Variants in IFT74 observed in about 807,000 individuals in gnomAD.
The protein encoded by IFT74 is intraflagellar transport protein 74 homolog.
In IFT74, 92 loss-of-function variants were observed where a neutral mutation model predicts 96.7. The ratio of observed to expected loss-of-function variants is 0.95; its 90% confidence interval spans 0.80 to 1.13. The LOEUF (loss-of-function observed/expected upper bound fraction) is 1.13, where lower values mean the gene tolerates loss of function less well. Ranked by LOEUF, IFT74 falls within the 50% of genes most tolerant of loss-of-function variation. The pLI is 0.00. For synonymous variants in IFT74, 223 were observed against 213.2 expected (o/e 1.05, Z -0.40); for missense variants, 811 against 698.2 (o/e 1.16, Z -1.82).
chr9:26,950,121 G>C (rs1362491835), intron 1 of IFT74, among the ~76,000 whole-genome samples: 1 of 152,100 alleles, frequency 6.6e-6, no homozygotes, highest in Non-Finnish European at 1.5e-5. Context: ...GACCATCCTG[G>C]CTAACATGGT....
At chr9:26,951,181 A>G (rs1374265673) in intron 1 of IFT74, among the ~76,000 whole-genome samples, 1 of 152,246 alleles carries the variant, frequency 6.6e-6, no homozygotes, top group Non-Finnish European at 1.5e-5. Context: ...TGTTCTCAAT[A>G]TGATGTTTTC....
chr9:27,019,864 A>G (rs1160356517), intron 12 of IFT74, among the ~76,000 whole-genome samples: 1 of 152,186 alleles, frequency 6.6e-6, no homozygotes, highest in East Asian at 1.9e-4. Flanking sequence ...TTTCCAAAAC[A>G]GCTTTACCAT....
intron 4 of IFT74, among the ~76,000 whole-genome samples, chr9:26,982,739 G>A (rs930870411): frequency 2.6e-5 from 4 of 152,056 alleles, no homozygotes; most frequent in African/African-American, 7.2e-5. Context: ...ACAGGTGTGA[G>A]CCACTGCACC....
intron 9 of IFT74, among the ~76,000 whole-genome samples, 164 bp downstream of exon 9, chr9:27,009,322 C>G (rs1245028521): frequency 6.6e-6 from 1 of 152,142 alleles, no homozygotes; most frequent in Non-Finnish European, 1.5e-5. Flanking sequence ...ATTCACATTT[C>G]AGAAGAATTT....
intron 12 of IFT74, among the ~76,000 whole-genome samples, chr9:27,026,520 T>C (rs1829864540): frequency 6.6e-6 from 1 of 152,136 alleles, no homozygotes; most frequent in Non-Finnish European, 1.5e-5. Flanking sequence ...CTGCAGAATA[T>C]ACATTCTGTT....
Position 27,021,239 on chromosome 9 carries a change from G to A in IFT74, c.974+2552G>A, listed in dbSNP as rs148964283. Among the ~76,000 whole-genome samples the A allele has an allele frequency of 8.3e-3, 1,256 of 152,032 alleles. 16 individuals carry two copies. Among genetic ancestry groups the A allele is most frequent in the African/African-American group, 0.028 (1,169 of 41,432 alleles). On this transcript the variant is annotated intron_variant, in intron 12 of 19. Coordinates refer to ENST00000380062, the MANE Select transcript of IFT74 (RefSeq NM_025103.4). Reference sequence around the variant, plus strand: ...TTTCTTTATTCACTTGTTGATTGTTGGCTTTTTGGCTGTTTCCATATTTTT... The same window carrying A: ...TTTCTTTATTCACTTGTTGATTGTTAGCTTTTTGGCTGTTTCCATATTTTT...
chr9:26,974,147 G>T (rs958881640), intron 2 of IFT74, among the ~76,000 whole-genome samples: 1 of 152,104 alleles, frequency 6.6e-6, no homozygotes, highest in African/African-American at 2.4e-5. Context: ...ATCCTTTATA[G>T]TTCTTGGCTC....
intron 12 of IFT74, among the ~76,000 whole-genome samples, chr9:27,020,468 CT>C (rs869187412): frequency 1.9e-3 from 258 of 133,468 alleles, no homozygotes; most frequent in African/African-American, 2.9e-3. Flanking sequence ...TTTTTTATTT[CT>C]TTTTTTTTTT....
chr9:26,950,742 A>G (rs1487273845), intron 1 of IFT74, among the ~76,000 whole-genome samples: 1 of 152,232 alleles, frequency 6.6e-6, no homozygotes, highest in African/African-American at 2.4e-5. Flanking sequence ...TGTCTGCTCA[A>G]CTGAACTGTT....
upstream of IFT74, among the ~76,000 whole-genome samples, chr9:26,951,646 A>G (rs1825939689): frequency 6.6e-6 from 1 of 152,208 alleles, no homozygotes; most frequent in African/African-American, 2.4e-5. Flanking sequence ...CGCCTGTAAT[A>G]CTACCACTTT....
At chr9:27,052,555 A>C (rs1043684061) in intron 16 of IFT74, among the ~76,000 whole-genome samples, 1 of 150,956 alleles carries the variant, frequency 6.6e-6, no homozygotes, top group Admixed American at 6.6e-5. Context: ...TTCTCCTGAG[A>C]TGTACAGTTT....
intron 8 of IFT74, among the ~76,000 whole-genome samples, chr9:26,991,816 G>A (rs569368042): frequency 1.4e-4 from 22 of 152,182 alleles, no homozygotes; most frequent in Admixed American, 4.6e-4. Context: ...GGATCATGAG[G>A]TCAGGAGATC....
intron 10 of IFT74, among the ~76,000 whole-genome samples, chr9:27,016,337 C>T (rs1226480811): frequency 6.6e-6 from 1 of 152,218 alleles, no homozygotes; most frequent in Admixed American, 6.5e-5. Flanking sequence ...ATAAAGGGCA[C>T]CATCATATTG....
intron 1 of IFT74, among the ~76,000 whole-genome samples, chr9:26,949,657 C>A (rs561239202): frequency 6.6e-6 from 1 of 152,228 alleles, no homozygotes; most frequent in South Asian, 2.1e-4. Context: ...ATCACAGGGC[C>A]AGCCAACGAG....
intron 18 of IFT74, among the ~76,000 whole-genome samples, chr9:27,056,855 A>AATGGATAGATAGATAGATAG (rs1564007963): frequency 7.6e-6 from 1 of 132,160 alleles, no homozygotes; most frequent in Non-Finnish European, 1.7e-5. Context: ...TCTTTTAGTC[A>AATGGATAGATAGATAGATAG]ATGGATAGAT....
chr9:27,048,764 A>T (rs1587414156), intron 16 of IFT74, among the ~76,000 whole-genome samples: 1 of 152,208 alleles, frequency 6.6e-6, no homozygotes, highest in African/African-American at 2.4e-5. Flanking sequence ...GTCTATGTTT[A>T]TACACAGACT....
At chr9:27,015,037 A>G (rs538017138) in intron 10 of IFT74, among the ~76,000 whole-genome samples, 18 of 152,370 alleles carry the variant, frequency 1.2e-4, no homozygotes, top group South Asian at 4.1e-4. Context: ...ATGCTTATTC[A>G]GTTCACAAGA....
At chr9:26,983,959 T>C (rs906650524) in intron 4 of IFT74, 1 of 199,088 alleles carries the variant, frequency 5.0e-6, no homozygotes, top group African/African-American at 2.4e-5. Context: ...AATTTTTGTA[T>C]TTTGAATAGA....
Position 27,055,601 on chromosome 9 carries a change from T to C in IFT74, c.1334-8T>C, listed in dbSNP as rs1232258357. On this transcript the variant is annotated splice_polypyrimidine_tract_variant and splice_region_variant and intron_variant, in intron 16 of 19. Transcript: ENST00000380062. ...GATTAATTATCACCTTAAATTCTTA[T>C]GTTTCAGACATTCAACGTCTGCAGT... 6.4e-7 allele frequency: 1 copy of C among 1,558,426 alleles called. No individual in the cohort carries two copies. Among genetic ancestry groups the C allele is most frequent in the South Asian group, 1.2e-5 (1 of 81,092 alleles).
Sources: allele counts gnomAD v4.1 joint callset (sites outside exome capture counted in the v4.1 genomes callset), GRCh38; gene constraint gnomAD v4.1.1; transcripts MANE v1.5; gene names NCBI Gene and HGNC (gene_info 2026-07-23, HGNC 2026-07-21).